The following SERPINC1 variants were observed in gnomAD, a reference collection of about 807,000 sequenced individuals.
SERPINC1 encodes the protein serpin family C member 1.
Under a neutral mutation model 43.4 loss-of-function variants are expected in SERPINC1, and 12 were observed. The observed-to-expected ratio is 0.28, with a 90% CI of 0.18 to 0.45. The LOEUF (loss-of-function observed/expected upper bound fraction) is 0.45. Among genes scored for constraint, SERPINC1 ranks in the 20% least tolerant of loss-of-function variants. The pLI, the probability that SERPINC1 is intolerant of heterozygous loss-of-function variation, is 1.00. For synonymous variants in SERPINC1, 210 were observed against 218.9 expected, an observed-to-expected ratio of 0.96 and a Z score of 0.36; for missense variants, 423 against 578.8, an observed-to-expected ratio of 0.73 and a Z score of 2.76.
rs146692719 is a variant in SERPINC1, at chr1:173,915,975, G to A, written c.42-1056C>T. 9.4e-3 allele frequency among the ~76,000 whole-genome samples: 1,428 copies of A among 152,196 alleles called. 8 individuals carry two copies. Among genetic ancestry groups the A allele is most frequent in the Non-Finnish European group, 0.016 (1,067 of 68,008 alleles). Reference sequence around the variant, plus strand: ...CCTCCTCATTTAGTCAAACCCCAGAGTCAATCAGTTCACCCCAGAGTCAAT... The same window carrying A: ...CCTCCTCATTTAGTCAAACCCCAGAATCAATCAGTTCACCCCAGAGTCAAT... On this transcript the variant is annotated intron_variant, in intron 1 of 6. Coordinates refer to ENST00000367698, the MANE Select transcript of SERPINC1 (RefSeq NM_000488.4).
rs752818145 is a variant in SERPINC1, at chr1:173,911,978, C to T, written c.445G>A (p.Asp149Asn). 6.2e-7 allele frequency: 1 copy of T among 1,613,992 alleles called. No individual in the cohort carries two copies. The highest frequency in any genetic ancestry group is 8.5e-7 in the Non-Finnish European group (1 of 1,179,946). The change falls in exon 3 of 7, where the codon GAT (aspartate) becomes AAT (asparagine). Residue 149 changes from aspartate to asparagine, a missense_variant. By Grantham distance (23) the Asp-to-Asn change is conservative. Transcript: ENST00000367698. Reference sequence around the variant, plus strand: ...TTGGCAAAGAAGAAGTGGATCTGATCAGATGTTTTCTCAGATATGGTGTCA... The same window carrying T: ...TTGGCAAAGAAGAAGTGGATCTGATTAGATGTTTTCTCAGATATGGTGTCA... ...KFDTISEKTS[D>N]QIHFFFAKLN... is the part of the protein sequence containing the mutation.
At chr1:173,914,126 T>C (rs1022665667) in intron 2 of SERPINC1, among the ~76,000 whole-genome samples, 1 of 152,026 alleles carries the variant, frequency 6.6e-6, no homozygotes, top group Non-Finnish European at 1.5e-5. Flanking sequence ...AGAGCCTATA[T>C]GCCTGATGTC....
rs934275554 is a variant in SERPINC1 at position 173,909,538 on chromosome 1, C to G, written c.1153+14G>C. ...TGCGGGTGGAGAAGGGAGGAAACTC[C>G]TTCCTAGACAAACCTGGGAGTTTGG... is the stretch of plus-strand genomic sequence containing the variant. On this transcript the variant is annotated intron_variant, in intron 5 of 6. Transcript: ENST00000367698. 2.4e-5 allele frequency: 38 copies of G among 1,613,062 alleles called. No individual in the cohort carries two copies. Among genetic ancestry groups the G allele is most frequent in the Non-Finnish European group, 3.1e-5 (37 of 1,180,028 alleles).
Position 173,904,153 on chromosome 1 carries a change from C to T in SERPINC1, c.1219-88G>A, listed in dbSNP as rs1657384771. The T allele has an allele frequency of 7.9e-6, 10 of 1,272,140 alleles. No homozygotes were observed. In the South Asian group the frequency reaches 1.2e-4, roughly 15 times the overall value. The allele number at this position is 1,272,140 out of a possible 1,614,324, so 78.8% of individuals were successfully genotyped here. On this transcript the variant is annotated intron_variant, in intron 6 of 6. Coordinates refer to ENST00000367698, the MANE Select transcript of SERPINC1 (RefSeq NM_000488.4). ...ATCATCCACAGACACAGCAATTCCT[C>T]AAATGCTTTTGTTTTCCAGTAAAAA... is the stretch of plus-strand genomic sequence containing the variant.
intron 6 of SERPINC1, among the ~76,000 whole-genome samples, chr1:173,906,202 C>T (rs1339826407): frequency 6.6e-6 from 1 of 152,204 alleles, no homozygotes; most frequent in Non-Finnish European, 1.5e-5. Context: ...ATTCTCAGGG[C>T]CCATCCCAGA....
At chr1:173,905,322 GGTCATT>G (rs1173319849) in intron 6 of SERPINC1, among the ~76,000 whole-genome samples, 3 of 152,156 alleles carry the variant, frequency 2.0e-5, no homozygotes, top group Non-Finnish European at 4.4e-5. Context: ...TTGTCTTAAA[GGTCATT>G]GACATTCATT....
chr1:173,907,391 T>G (rs1387559863), intron 6 of SERPINC1, 59 bp downstream of exon 6: 5 of 1,343,762 alleles, frequency 3.7e-6, no homozygotes, highest in Admixed American at 3.4e-5. Flanking sequence ...TTTCCACGTG[T>G]TCCTGCTGTT....
intron 3 of SERPINC1, 56 bp downstream of exon 3, chr1:173,911,743 C>G: frequency 2.9e-6 from 4 of 1,373,540 alleles, no homozygotes; most frequent in Non-Finnish European, 3.1e-6. Flanking sequence ...TCCACCTCCT[C>G]AATCTCTGAG....
rs1210937889 is a variant in SERPINC1, at chr1:173,909,744, C to T, written c.961G>A (p.Glu321Lys). The stretch of plus-strand genomic sequence containing the variant: ...TTCTCTACCTTGGCCAGGCTCTTCT[C>T]AGGCTTGGGCAAGATGAGGACCATG... Reference protein sequence around the residue: ...ITMVLILPKPEKSLAKVEKEL... With the variant: ...ITMVLILPKPKKSLAKVEKEL... The change falls in exon 5 of 7, where the codon GAG becomes AAG. Residue 321 changes from glutamate to lysine, a missense_variant. Glu to Lys is a moderately conservative substitution (Grantham distance 56, BLOSUM62 1). Transcript: ENST00000367698. 28 of 1,614,070 alleles carry T rather than the reference C, an allele frequency of 1.7e-5. No homozygotes were observed. The highest frequency in any genetic ancestry group is 2.3e-5 in the Non-Finnish European group (27 of 1,180,012).
chr1:173,909,462 T>C, intron 5 of SERPINC1, 90 bp downstream of exon 5: 1 of 1,378,226 alleles, frequency 7.3e-7, no homozygotes, highest in Non-Finnish European at 1.0e-6. Context: ...TCCTGACTTG[T>C]TGCTCCTTTC....
chr1:173,903,911 A>G lies in SERPINC1; in HGVS notation c.1373T>C (p.Val458Ala), dbSNP rs754917785. 1.9e-6 allele frequency: 3 copies of G among 1,614,034 alleles called. No homozygotes were observed. The highest frequency in any genetic ancestry group is 2.7e-5 in the African/African-American group (2 of 74,920). The stretch of plus-strand genomic sequence containing the variant: ...ATTTTACTTAACACAAGGGTTGGCT[A>G]CTCTGCCCATGAAGATAATAGTGTT... ...PLNTIIFMGRVANPCVK is the reference protein window; with the variant it reads ...PLNTIIFMGRAANPCVK Residue 458 changes from valine to alanine, a missense_variant, in exon 7 of 7, where the codon GTA becomes GCA. Val to Ala is a moderately conservative substitution (Grantham distance 64). Coordinates refer to ENST00000367698, the MANE Select transcript of SERPINC1 (RefSeq NM_000488.4).
intron 6 of SERPINC1, among the ~76,000 whole-genome samples, chr1:173,904,710 G>T (rs1467524921): frequency 1.3e-5 from 2 of 152,122 alleles, no homozygotes; most frequent in Non-Finnish European, 2.9e-5. Context: ...GGCTCCCTGG[G>T]TTTTGTGGAG....
At chr1:173,912,499 G>T (rs936432244) in intron 2 of SERPINC1, among the ~76,000 whole-genome samples, 1 of 152,172 alleles carries the variant, frequency 6.6e-6, no homozygotes, top group Non-Finnish European at 1.5e-5. Flanking sequence ...GGGCTGAAAA[G>T]GACTTAGAAG....
At chr1:173,916,703 A>C (rs1188057666) in intron 1 of SERPINC1, among the ~76,000 whole-genome samples, 1 of 152,164 alleles carries the variant, frequency 6.6e-6, no homozygotes, top group Non-Finnish European at 1.5e-5. Flanking sequence ...GTGACAACTC[A>C]GATGAAGAAG....
Position 173,909,772 on chromosome 1 carries a change from G to A in SERPINC1, c.933C>T (p.Ile311=). ...VLELPFKGDD[I]TMVLILPKPE... The stretch of plus-strand genomic sequence containing the variant: ...GCTTGGGCAAGATGAGGACCATGGT[G>A]ATGTCATCACCTTTGAAGGGCAACT... The change falls in exon 5 of 7, where the codon ATC becomes ATT. Residue 311 remains isoleucine (I), a synonymous_variant. Transcript: ENST00000367698. 1 of 1,614,254 alleles carries A rather than the reference G, an allele frequency of 6.2e-7. No individual in the cohort carries two copies. Among genetic ancestry groups the A allele is most frequent in the Non-Finnish European group, 8.5e-7 (1 of 1,180,040 alleles).
chr1:173,913,836 C>T (rs949988385), intron 2 of SERPINC1, among the ~76,000 whole-genome samples: 1 of 142,240 alleles, frequency 7.0e-6, no homozygotes, highest in African/African-American at 2.7e-5. Flanking sequence ...GCCTGGATGA[C>T]AGAGCGAGAC....
chr1:173,916,866 C>G (rs575625196), intron 1 of SERPINC1, among the ~76,000 whole-genome samples: 124 of 152,252 alleles, frequency 8.1e-4, no homozygotes, highest in Admixed American at 1.7e-3. Context: ...AGGAGGTCCT[C>G]ATGGGTAGCA....
chr1:173,913,321 A>G (rs1239047961), intron 2 of SERPINC1, among the ~76,000 whole-genome samples: 1 of 152,148 alleles, frequency 6.6e-6, no homozygotes, highest in African/African-American at 2.4e-5. Flanking sequence ...AATCTATGAC[A>G]TTTCATCTTA....
In SERPINC1 at chr1:173,907,471, T is replaced by C. The variant is rs1657564261; in HGVS notation, c.1197A>G (p.Ala399=). Residue 399 remains alanine, a synonymous_variant, in exon 6 of 7, where the codon GCA becomes GCG. Coordinates refer to ENST00000367698, the MANE Select transcript of SERPINC1 (RefSeq NM_000488.4). ...EGRDDLYVSD[A]FHKAFLEVNE... is the part of the protein sequence containing the mutation. ...TCACCTCAAGAAATGCCTTATGGAA[T>C]GCATCTGAGACATAGAGGTCATCTC... 6.2e-7 allele frequency: 1 copy of C among 1,613,490 alleles called. No homozygotes were observed.
Sources: gnomAD v4.1 joint callset for allele counts (sites outside exome capture counted in the v4.1 genomes callset) on GRCh38, gnomAD v4.1.1 for gene constraint, MANE v1.5 for transcripts, NCBI Gene and HGNC (gene_info 2026-07-23, HGNC 2026-07-21) for gene names.